CNTN5: variants seen among roughly 807,000 people sequenced by gnomAD.
CNTN5 encodes the protein contactin-5.
In CNTN5, 77 loss-of-function variants were observed where a neutral mutation model predicts 129.1. The observed-to-expected ratio is 0.60, with a 90% CI of 0.50 to 0.72. The LOEUF is 0.72. Among genes scored for constraint, CNTN5 ranks in the 30% least tolerant of loss-of-function variants. The probability of loss-of-function intolerance (pLI) is 0.00; values close to 1 mark genes in which losing one functional copy is unlikely to be tolerated. For synonymous variants in CNTN5, 509 were observed against 465.6 expected (o/e 1.09, Z -1.20); for missense variants, 1,478 against 1,328.8 (o/e 1.11, Z -1.75).
intron 3 of CNTN5, among the ~76,000 whole-genome samples, chr11:99,659,250 A>G (rs1952507130): frequency 6.7e-6 from 1 of 149,500 alleles, no homozygotes; most frequent in Non-Finnish European, 1.5e-5. Context: ...AGAAAAAGGG[A>G]AAAAAATTAT....
chr11:99,160,500 C>T (rs1860557041), intron 1 of CNTN5, among the ~76,000 whole-genome samples: 1 of 152,120 alleles, frequency 6.6e-6, no homozygotes, highest in African/African-American at 2.4e-5. Context: ...CTGTACCTCA[C>T]CTAAACATAT....
At chr11:99,350,240 C>A (rs962890481) in intron 2 of CNTN5, among the ~76,000 whole-genome samples, 2 of 152,018 alleles carry the variant, frequency 1.3e-5, no homozygotes, top group African/African-American at 2.4e-5. Context: ...GAAAAGTAAG[C>A]AAATTAACAA....
At chr11:99,298,054 C>T (rs1864463516) in intron 1 of CNTN5, among the ~76,000 whole-genome samples, 1 of 152,110 alleles carries the variant, frequency 6.6e-6, no homozygotes, top group South Asian at 2.1e-4. Flanking sequence ...GGGAGCTTAT[C>T]CATGATCTCC....
chr11:100,116,859 T>C (rs1945856694), intron 13 of CNTN5, among the ~76,000 whole-genome samples: 2 of 152,002 alleles, frequency 1.3e-5, no homozygotes, highest in Admixed American at 1.3e-4. Flanking sequence ...CATTGGTATA[T>C]AGCAAAGTGA....
chr11:99,104,375 G>C (rs1411039771), intron 1 of CNTN5, among the ~76,000 whole-genome samples: 3 of 152,008 alleles, frequency 2.0e-5, no homozygotes, highest in Non-Finnish European at 4.4e-5. Flanking sequence ...GTAGCATCCT[G>C]AGTTATGACG....
chr11:99,569,651 T>C (rs941960777), intron 3 of CNTN5, among the ~76,000 whole-genome samples: 2 of 152,178 alleles, frequency 1.3e-5, no homozygotes, highest in African/African-American at 4.8e-5. Context: ...GTGGCTTTCT[T>C]ATCTCAAAAT....
chr11:99,431,655 C>T (rs150723026), intron 2 of CNTN5, among the ~76,000 whole-genome samples: 1 of 152,204 alleles, frequency 6.6e-6, no homozygotes, highest in Non-Finnish European at 1.5e-5. Context: ...AGAGTCCCTT[C>T]CATTGGTCAC....
At chr11:100,161,098 T>A (rs1409279499) in intron 13 of CNTN5, among the ~76,000 whole-genome samples, 1 of 151,980 alleles carries the variant, frequency 6.6e-6, no homozygotes, top group Non-Finnish European at 1.5e-5. Context: ...GAACACCAAT[T>A]CTAAAAATTA....
chr11:99,784,481 T>A (rs962620350), intron 3 of CNTN5, among the ~76,000 whole-genome samples: 3 of 150,390 alleles, frequency 2.0e-5, no homozygotes, highest in Non-Finnish European at 4.5e-5. Flanking sequence ...CATGAACCCA[T>A]CCTTGGGTTG....
At chr11:99,842,189 C>A (rs1947530070) in intron 4 of CNTN5, among the ~76,000 whole-genome samples, 1 of 152,036 alleles carries the variant, frequency 6.6e-6, no homozygotes, top group South Asian at 2.1e-4. Flanking sequence ...GCCACCACAC[C>A]CGGGTATTTC....
At chr11:99,177,012 C>CA (rs1187825592) in intron 1 of CNTN5, among the ~76,000 whole-genome samples, 51 of 152,222 alleles carry the variant, frequency 3.4e-4, no homozygotes, top group Admixed American at 3.3e-3. Flanking sequence ...GACCTTCCCA[C>CA]TGTAAATCAA....
At chr11:99,868,979 T>G (rs1227580466) in intron 6 of CNTN5, among the ~76,000 whole-genome samples, 1 of 152,162 alleles carries the variant, frequency 6.6e-6, no homozygotes, top group East Asian at 1.9e-4. Flanking sequence ...AAACACCAAT[T>G]AAGTTGGAAC....
intron 13 of CNTN5, among the ~76,000 whole-genome samples, chr11:100,165,370 T>G (rs1188496131): frequency 1.3e-5 from 2 of 151,750 alleles, no homozygotes; most frequent in African/African-American, 4.8e-5. Context: ...AGGTGCTCAA[T>G]AAGTATTTAC....
intron 1 of CNTN5, among the ~76,000 whole-genome samples, chr11:99,188,834 G>A (rs896223614): frequency 2.6e-5 from 4 of 151,706 alleles, no homozygotes; most frequent in African/African-American, 4.8e-5. Flanking sequence ...TGCATTAACA[G>A]ACATACTTCT....
At chr11:100,353,064 A>G (rs115288386) in intron 24 of CNTN5, among the ~76,000 whole-genome samples, 4,295 of 151,782 alleles carry the variant, frequency 0.028, 200 homozygotes, top group African/African-American at 0.096. Context: ...ATCAGATTCT[A>G]TAGTATTATC....
At chr11:99,808,713 C>T (rs563949288) in intron 3 of CNTN5, among the ~76,000 whole-genome samples, 30 of 152,252 alleles carry the variant, frequency 2.0e-4, no homozygotes, top group African/African-American at 6.5e-4. Context: ...TCCATATTCC[C>T]ATTTGTGAGA....
chr11:99,242,452 G>A (rs1034926244), intron 1 of CNTN5, among the ~76,000 whole-genome samples: 2 of 152,044 alleles, frequency 1.3e-5, no homozygotes, highest in Non-Finnish European at 2.9e-5. Context: ...CCTGCCACAA[G>A]AATGTAAGCT....
chr11:100,111,074 A>G (rs560223267), intron 13 of CNTN5, among the ~76,000 whole-genome samples: 2 of 152,280 alleles, frequency 1.3e-5, no homozygotes, highest in Admixed American at 6.5e-5. Flanking sequence ...ACATGTTTAT[A>G]TAGGTTTACC....
intron 7 of CNTN5, among the ~76,000 whole-genome samples, chr11:99,918,705 A>G (rs926801638): frequency 2.0e-5 from 3 of 152,196 alleles, no homozygotes; most frequent in Admixed American, 6.6e-5. Flanking sequence ...ATAGTAGAGT[A>G]TAAGTCAGAT....
Sources: gnomAD v4.1 joint callset for allele counts (sites outside exome capture counted in the v4.1 genomes callset) on GRCh38, gnomAD v4.1.1 for gene constraint, MANE v1.5 for transcripts, NCBI Gene and HGNC (gene_info 2026-07-23, HGNC 2026-07-21) for gene names.